Variants in CCSER1 observed in about 807,000 individuals in gnomAD.
CCSER1 encodes the protein serine-rich coiled-coil domain-containing protein 1.
CCSER1 carries 41 observed loss-of-function variants against 82.0 expected under a neutral mutation model. The observed-to-expected ratio is 0.50, with a 90% CI of 0.39 to 0.65. The LOEUF is 0.65. Ranked by LOEUF, CCSER1 falls within the 30% of genes least tolerant of loss-of-function variation. The pLI is 0.00. For missense variants in CCSER1, 1,119 were observed against 1,064.2 expected (o/e 1.05, Z -0.72); for synonymous variants, 414 against 383.9 (o/e 1.08, Z -0.92).
intron 10 of CCSER1, among the ~76,000 whole-genome samples, chr4:91,481,826 A>T (rs980775681): frequency 6.6e-6 from 1 of 152,182 alleles, no homozygotes; most frequent in Non-Finnish European, 1.5e-5. Flanking sequence ...CTACCATCAG[A>T]GTGAACAGGC....
intron 10 of CCSER1, among the ~76,000 whole-genome samples, chr4:91,411,407 G>T (rs1446054612): frequency 7.0e-6 from 1 of 142,786 alleles, no homozygotes; most frequent in Non-Finnish European, 1.5e-5. Flanking sequence ...TTCTGCAAGG[G>T]TTTTGAATGC....
intron 6 of CCSER1, among the ~76,000 whole-genome samples, chr4:90,644,790 A>G (rs1727203085): frequency 6.6e-6 from 1 of 152,016 alleles, no homozygotes. Context: ...CCTTCAAAGG[A>G]CATGATCTTG....
Position 90,648,801 on chromosome 4 carries a change from C to T in CCSER1, c.1932+20569C>T, listed in dbSNP as rs540075537. 3.9e-5 allele frequency among the ~76,000 whole-genome samples: 6 copies of T among 152,120 alleles called. No homozygotes were observed. The East Asian group carries it at 9.7e-4, about 25-fold the overall frequency. ...AATCTGTGGTATTTTGTTATGGCAGCCCTAGAAAAGTAATATACCAGTCAA... is the reference window on the plus strand; with the variant it reads ...AATCTGTGGTATTTTGTTATGGCAGTCCTAGAAAAGTAATATACCAGTCAA... On this transcript the variant is annotated intron_variant, in intron 6 of 10. Coordinates refer to ENST00000509176, the MANE Select transcript of CCSER1 (RefSeq NM_001145065.2).
At chr4:91,318,527 C>A (rs1560586442) in intron 10 of CCSER1, among the ~76,000 whole-genome samples, 1 of 151,896 alleles carries the variant, frequency 6.6e-6, no homozygotes, top group Non-Finnish European at 1.5e-5. Flanking sequence ...TTTATAGACT[C>A]AATTGTCTCC....
intron 3 of CCSER1, among the ~76,000 whole-genome samples, chr4:90,373,245 G>A (rs2153526784): frequency 6.6e-6 from 1 of 152,146 alleles, no homozygotes; most frequent in South Asian, 2.1e-4. Context: ...CATATATATT[G>A]CTCTAAGTGA....
chr4:90,831,519 C>T (rs910808079), intron 8 of CCSER1, among the ~76,000 whole-genome samples: 2 of 152,264 alleles, frequency 1.3e-5, no homozygotes, highest in African/African-American at 4.8e-5. Flanking sequence ...GCCTATTACA[C>T]TGTTGAAGAT....
chr4:90,371,878 A>C (rs1037611853), intron 3 of CCSER1, among the ~76,000 whole-genome samples: 1 of 152,222 alleles, frequency 6.6e-6, no homozygotes, highest in Non-Finnish European at 1.5e-5. Flanking sequence ...CCTCAAAAAT[A>C]TGAATGTGAA....
chr4:91,214,442 A>T (rs1259971441), intron 10 of CCSER1, among the ~76,000 whole-genome samples: 2 of 152,060 alleles, frequency 1.3e-5, no homozygotes, highest in African/African-American at 2.4e-5. Flanking sequence ...TTCCTTCCCT[A>T]CTTTATTATT....
chr4:91,187,809 T>A (rs529467667), intron 10 of CCSER1, among the ~76,000 whole-genome samples: 1 of 152,236 alleles, frequency 6.6e-6, no homozygotes, highest in Non-Finnish European at 1.5e-5. Flanking sequence ...CGCCTTGGCC[T>A]CCCAAAGTGC....
chr4:90,450,873 C>A (rs2153578172), intron 4 of CCSER1, among the ~76,000 whole-genome samples: 1 of 152,276 alleles, frequency 6.6e-6, no homozygotes, highest in South Asian at 2.1e-4. Context: ...AAGTTGTATG[C>A]TTAATTAAAT....
chr4:91,083,303 T>C (rs1227302531), intron 9 of CCSER1, among the ~76,000 whole-genome samples: 1 of 151,878 alleles, frequency 6.6e-6, no homozygotes, highest in South Asian at 2.1e-4. Context: ...GAGCAAACTA[T>C]GGCAAGGACA....
chr4:90,210,581 C>CT (rs1399053319), intron 1 of CCSER1, among the ~76,000 whole-genome samples: 4 of 151,754 alleles, frequency 2.6e-5, no homozygotes. Flanking sequence ...GTAGCTGAGA[C>CT]TACAGGCATG....
chr4:91,327,638 C>T (rs1469776032), intron 10 of CCSER1, among the ~76,000 whole-genome samples: 1 of 152,208 alleles, frequency 6.6e-6, no homozygotes, highest in East Asian at 1.9e-4. Context: ...ACTTGAATTT[C>T]TCCTGAGAAA....
chr4:90,323,916 G>A (rs142968830), intron 3 of CCSER1, among the ~76,000 whole-genome samples: 1,575 of 152,002 alleles, frequency 0.01, 23 homozygotes, highest in African/African-American at 0.036. Context: ...GAGAATATGC[G>A]GTATTTGGTT....
intron 9 of CCSER1, among the ~76,000 whole-genome samples, chr4:90,995,497 A>T (rs1285484763): frequency 6.6e-6 from 1 of 152,026 alleles, no homozygotes; most frequent in Non-Finnish European, 1.5e-5. Context: ...ATGTTTGGAT[A>T]TTTTTTTCAC....
chr4:90,451,386 C>T (rs1761435251), intron 4 of CCSER1, among the ~76,000 whole-genome samples: 2 of 152,188 alleles, frequency 1.3e-5, no homozygotes, highest in South Asian at 2.1e-4. Flanking sequence ...GGTAGACTCC[C>T]ATCCTTTGGG....
chr4:90,732,056 T>TCTCTCTCTCTCTCTCACTCA (rs761678318), intron 7 of CCSER1, among the ~76,000 whole-genome samples: 1 of 144,710 alleles, frequency 6.9e-6, no homozygotes, highest in Non-Finnish European at 1.5e-5. Flanking sequence ...TCTCTCTCTC[T>TCTCTCTCTCTCTCTCACTCA]CTCTCACTGC....
chr4:91,033,546 A>G (rs28650925), intron 9 of CCSER1, among the ~76,000 whole-genome samples: 5,973 of 152,192 alleles, frequency 0.039, 146 homozygotes, highest in East Asian at 0.049. Flanking sequence ...AAAGATGAAG[A>G]TTGTAAAGGA....
At chr4:91,238,967 G>A (rs1347624687) in intron 10 of CCSER1, among the ~76,000 whole-genome samples, 13 of 151,906 alleles carry the variant, frequency 8.6e-5, no homozygotes, top group Admixed American at 5.2e-4. Context: ...GGGACTACAG[G>A]TGCCCACCAC....
Sources: gnomAD v4.1 joint callset for allele counts (sites outside exome capture counted in the v4.1 genomes callset) on GRCh38, gnomAD v4.1.1 for gene constraint, MANE v1.5 for transcripts, NCBI Gene and HGNC (gene_info 2026-07-23, HGNC 2026-07-21) for gene names.